The following ASNS variants were observed in gnomAD, a reference collection of about 807,000 sequenced individuals.
ASNS encodes the protein asparagine synthetase (glutamine-hydrolyzing).
In ASNS, 37 loss-of-function variants were observed where a neutral mutation model predicts 62.6. That is an observed-to-expected ratio of 0.59 (90% CI 0.45 to 0.78). The LOEUF is 0.78. Ranked by LOEUF, ASNS falls within the 30% of genes least tolerant of loss-of-function variation. The pLI is 0.00. For missense variants in ASNS, 520 were observed against 682.4 expected (o/e 0.76, Z 2.65); for synonymous variants, 207 against 237.9 (o/e 0.87, Z 1.19).
chr7:97,861,258 C>T (rs577291529), intron 4 of ASNS, among the ~76,000 whole-genome samples: 338 of 152,140 alleles, frequency 2.2e-3, no homozygotes, highest in Non-Finnish European at 1.9e-3. Flanking sequence ...GTGATCCACC[C>T]GCCTCGGCCT....
At chr7:97,896,593 T>C in the ASNS span, among the ~76,000 whole-genome samples, 9 of 35,276 alleles carry the variant, frequency 2.6e-4, no homozygotes, top group African/African-American at 1.2e-3. Flanking sequence ...CAAGACTCCA[T>C]CTCAAAAAGA....
Position 97,864,378 on chromosome 7 carries a change from AATGCAAACAC to A in ASNS, c.358_367del (p.Val120LeufsTer27). The A allele has an allele frequency of 6.2e-7, 1 of 1,613,976 alleles. No homozygotes were observed. The highest frequency in any genetic ancestry group is 8.5e-7 in the Non-Finnish European group (1 of 1,179,922). On this transcript the variant is annotated frameshift_variant, in exon 4 of 13. Coordinates refer to ENST00000394308, the MANE Select transcript of ASNS (RefSeq NM_001673.5). LOFTEE classifies it high-confidence loss of function. ...CTTATTGGCAGTATCCAGTAAAACA[AATGCAAACAC>A]ACCATCCAACATACAAATTGTTTGC...
the ASNS span, among the ~76,000 whole-genome samples, chr7:97,907,603 C>T: frequency 1.3e-5 from 2 of 152,046 alleles, no homozygotes; most frequent in African/African-American, 4.8e-5. Context: ...CCCATCTCTA[C>T]TAAAAATACA....
At chr7:97,900,284 T>C in the ASNS span, among the ~76,000 whole-genome samples, 1 of 144,258 alleles carries the variant, frequency 6.9e-6, no homozygotes, top group Non-Finnish European at 1.5e-5. Flanking sequence ...GTAACTTGAA[T>C]CTGGAGGCAG....
chr7:97,868,829 T>C (rs182825029), intron 3 of ASNS, 79 bp downstream of exon 3: 698 of 1,571,476 alleles, frequency 4.4e-4, no homozygotes, highest in Middle Eastern at 1.0e-3. Context: ...AAAAGCATGA[T>C]ACAGAATATG....
the ASNS span, chr7:97,908,131 T>C: frequency 1.3e-5 from 2 of 152,226 alleles, no homozygotes; most frequent in African/African-American, 4.8e-5. Context: ...GGAGGGACTG[T>C]AGGAAGTAGA....
upstream of ASNS, among the ~76,000 whole-genome samples, chr7:97,874,718 A>G (rs1246709737): frequency 7.0e-6 from 1 of 143,162 alleles, no homozygotes; most frequent in Non-Finnish European, 1.6e-5. Flanking sequence ...GTTGCTCAAT[A>G]AATACATCAG....
Position 97,864,219 on chromosome 7 carries a change from C to T in ASNS, c.487+40G>A, listed in dbSNP as rs1180877356. The T allele has an allele frequency of 2.6e-6, 4 of 1,542,848 alleles. No individual in the cohort carries two copies. In the African/African-American group the frequency reaches 5.5e-5, roughly 21 times the overall value. On this transcript the variant is annotated intron_variant, in intron 4 of 12. Transcript: ENST00000394308. ...TATAATTTAAAAGAAAACGTACAACCAAGACAATAATGAAAATCTATAGAA... is the reference window on the plus strand; with the variant it reads ...TATAATTTAAAAGAAAACGTACAACTAAGACAATAATGAAAATCTATAGAA...
chr7:97,889,695 A>G, the ASNS span, among the ~76,000 whole-genome samples: 3 of 152,134 alleles, frequency 2.0e-5, no homozygotes, highest in Middle Eastern at 0.01. Flanking sequence ...GGTCTTTCCC[A>G]TATAAAAGCC....
the ASNS span, among the ~76,000 whole-genome samples, chr7:97,897,752 T>G: frequency 6.6e-6 from 1 of 152,342 alleles, no homozygotes; most frequent in East Asian, 1.9e-4. Context: ...ATCCCACTCC[T>G]GGGTATATAT....
intron 3 of ASNS, among the ~76,000 whole-genome samples, chr7:97,865,270 A>C (rs2115718234): frequency 6.6e-6 from 1 of 152,368 alleles, no homozygotes; most frequent in African/African-American, 2.4e-5. Flanking sequence ...CAGCTGTACA[A>C]ACAATGGCAG....
At chr7:97,906,396 T>G in the ASNS span, 9 of 291,302 alleles carry the variant, frequency 3.1e-5, no homozygotes, top group Non-Finnish European at 5.9e-5. Context: ...TGGCCTCAAC[T>G]ACCCTCCAAC....
intron 1 of ASNS, chr7:97,870,205 C>T: frequency 1.0e-6 from 1 of 996,204 alleles, no homozygotes; most frequent in Non-Finnish European, 1.4e-6. Context: ...GTGATGACTG[C>T]CTTTCTGTTC....
chr7:97,860,363 A>C (rs1273520833), intron 4 of ASNS, among the ~76,000 whole-genome samples: 2 of 152,248 alleles, frequency 1.3e-5, no homozygotes, highest in Non-Finnish European at 2.9e-5. Context: ...AGAACAATTA[A>C]GGAATTTCAG....
At chr7:97,915,918 C>T in the ASNS span, among the ~76,000 whole-genome samples, 44 of 152,262 alleles carry the variant, frequency 2.9e-4, no homozygotes, top group East Asian at 3.9e-4. Context: ...TAAAAGCACA[C>T]GATGAGGCTC....
the ASNS span, chr7:97,908,776 T>C: frequency 1.3e-5 from 2 of 152,234 alleles, no homozygotes; most frequent in Admixed American, 6.5e-5. Context: ...CTTTGTATTA[T>C]AGGTATCCAA....
chr7:97,892,017 C>G, the ASNS span, among the ~76,000 whole-genome samples: 2 of 152,244 alleles, frequency 1.3e-5, no homozygotes, highest in Admixed American at 1.3e-4. Flanking sequence ...AGTAGAGGTT[C>G]TCCATGAGTG....
At chr7:97,902,617 G>A in the ASNS span, among the ~76,000 whole-genome samples, 1 of 152,112 alleles carries the variant, frequency 6.6e-6, no homozygotes, top group Admixed American at 6.5e-5. Context: ...CTACTCGGGA[G>A]GGCTGAGGTG....
chr7:97,889,633 C>G, the ASNS span, among the ~76,000 whole-genome samples: 1 of 151,956 alleles, frequency 6.6e-6, no homozygotes. Context: ...CACCCAGAAT[C>G]AAAGCCAAAG....
Sources: allele counts gnomAD v4.1 joint callset (sites outside exome capture counted in the v4.1 genomes callset), GRCh38; gene constraint gnomAD v4.1.1; transcripts MANE v1.5; gene names NCBI Gene and HGNC (gene_info 2026-07-23, HGNC 2026-07-21).